The following CCDC38 variants were observed in gnomAD, a reference collection of about 807,000 sequenced individuals.
CCDC38 encodes the protein coiled-coil domain containing 38, also known as coiled-coil domain-containing protein 38.
In CCDC38, 69 loss-of-function variants were observed where a neutral mutation model predicts 72.8. That is an observed-to-expected ratio of 0.95 (90% CI 0.78 to 1.16). The LOEUF is 1.16. Ranked by LOEUF, CCDC38 falls within the 50% of genes most tolerant of loss-of-function variation. The pLI is 0.00. For synonymous variants in CCDC38, 201 were observed against 213.2 expected, an observed-to-expected ratio of 0.94 and a Z score of 0.50; for missense variants, 626 against 638.9, an observed-to-expected ratio of 0.98 and a Z score of 0.22.
In CCDC38 at chr12:95,894,970, T is replaced by G; in HGVS notation, c.772+19A>C. 1 of 1,577,886 alleles carries G rather than the reference T, an allele frequency of 6.3e-7. No individual in the cohort carries two copies. Among genetic ancestry groups the G allele is most frequent in the Non-Finnish European group, 8.6e-7 (1 of 1,159,822 alleles). ...GTTAGGGATATTTAGTTCATGAAAGTTGAGTATAAGTAACTTACTTGCTAA... is the reference window on the plus strand; with the variant it reads ...GTTAGGGATATTTAGTTCATGAAAGGTGAGTATAAGTAACTTACTTGCTAA... On this transcript the variant is annotated intron_variant, in intron 8 of 15. Coordinates refer to ENST00000344280, the MANE Select transcript of CCDC38 (RefSeq NM_182496.3).
intron 6 of CCDC38, 36 bp downstream of exon 6, chr12:95,898,532 A>C (rs2079916169): frequency 1.2e-6 from 2 of 1,614,062 alleles, no homozygotes; most frequent in African/African-American, 2.7e-5. Flanking sequence ...CAAACAAAAG[A>C]GGTGGGAAGG....
At chr12:95,895,409 A>AT (rs67934581) in intron 7 of CCDC38, among the ~76,000 whole-genome samples, 62,528 of 151,870 alleles carry the variant, frequency 0.41, 13,836 homozygotes, top group African/African-American at 0.56. Context: ...CTTGTTTATT[A>AT]TTCTGTAGGA....
intron 7 of CCDC38, 55 bp downstream of exon 7, chr12:95,898,330 T>C (rs2079913076): frequency 2.0e-6 from 3 of 1,526,846 alleles, no homozygotes; most frequent in South Asian, 1.1e-5. Flanking sequence ...CTGGCATGAA[T>C]AGGTTTTAAT....
At chr12:95,891,312 C>T (rs575642374) in intron 8 of CCDC38, among the ~76,000 whole-genome samples, 4 of 152,090 alleles carry the variant, frequency 2.6e-5, no homozygotes, top group Non-Finnish European at 5.9e-5. Context: ...TGAACATTCT[C>T]TATTTGGATC....
chr12:95,905,362 C>A (rs929260225), intron 5 of CCDC38, among the ~76,000 whole-genome samples: 1 of 152,042 alleles, frequency 6.6e-6, no homozygotes, highest in East Asian at 1.9e-4. Flanking sequence ...TATAAATGTC[C>A]TGAAATCCTA....
intron 10 of CCDC38, among the ~76,000 whole-genome samples, chr12:95,883,487 T>C (rs10859970): frequency 0.18 from 27,771 of 152,026 alleles, 2,759 homozygotes; most frequent in African/African-American, 0.26. Flanking sequence ...CAGAAAGCAC[T>C]CCCTCTTCCA....
chr12:95,919,370 T>G, intron 2 of CCDC38: 1 of 379,470 alleles, frequency 2.6e-6, no homozygotes, highest in South Asian at 1.9e-5. Flanking sequence ...GTACGGCTGC[T>G]GGGATTAGGC....
intron 13 of CCDC38, among the ~76,000 whole-genome samples, chr12:95,874,831 A>G (rs546921659): frequency 6.6e-6 from 1 of 152,288 alleles, no homozygotes; most frequent in Admixed American, 6.5e-5. Flanking sequence ...GAGAGGGGAA[A>G]GGTTGCCGGG....
rs558053805 is a variant in CCDC38 at position 95,921,767 on chromosome 12, G to C, written c.38-2791C>G. On this transcript the variant is annotated intron_variant, in intron 2 of 15. Coordinates refer to ENST00000344280, the MANE Select transcript of CCDC38 (RefSeq NM_182496.3). ...AATCAGAGATAGGAAGATAGGAAGA[G>C]GATTCCTGAAGACACATTCCCCAAC... 1.6e-4 allele frequency among the ~76,000 whole-genome samples: 24 copies of C among 151,638 alleles called. No homozygotes were observed. In the South Asian group the frequency reaches 4.8e-3, roughly 30 times the overall value.
chr12:95,896,877 G>T (rs530275456), intron 7 of CCDC38, among the ~76,000 whole-genome samples: 1 of 152,266 alleles, frequency 6.6e-6, no homozygotes, highest in East Asian at 1.9e-4. Context: ...CCATTTGGAG[G>T]GCTCAACTCG....
At chr12:95,925,333 C>T (rs931354725) in intron 2 of CCDC38, among the ~76,000 whole-genome samples, 2 of 151,968 alleles carry the variant, frequency 1.3e-5, no homozygotes, top group East Asian at 1.9e-4. Context: ...CTGATTTGGT[C>T]CTCTGTTTGT....
At chr12:95,930,524 T>C (rs530743113) in intron 2 of CCDC38, among the ~76,000 whole-genome samples, 9 of 152,300 alleles carry the variant, frequency 5.9e-5, no homozygotes, top group African/African-American at 2.2e-4. Context: ...TCTTCCTTTC[T>C]GTTCTCTTAT....
chr12:95,903,435 G>A, intron 5 of CCDC38: 1 of 699,814 alleles, frequency 1.4e-6, no homozygotes, highest in Non-Finnish European at 2.6e-6. Flanking sequence ...ACAAAAAGAA[G>A]TGGTGCAGTG....
In CCDC38 at chr12:95,899,372, A is replaced by G. The variant is rs533264428; in HGVS notation, c.370-641T>C. 2.0e-5 allele frequency among the ~76,000 whole-genome samples: 3 copies of G among 152,282 alleles called. No homozygotes were observed. In the East Asian group the frequency reaches 5.8e-4, roughly 29 times the overall value. On this transcript the variant is annotated intron_variant, in intron 5 of 15. Coordinates refer to ENST00000344280, the MANE Select transcript of CCDC38 (RefSeq NM_182496.3). ...GAGTGCAGTGGGGTGATCTTGGCTCACTGCAGCTTTGACCACCCAGGCTCA... is the reference window on the plus strand; with the variant it reads ...GAGTGCAGTGGGGTGATCTTGGCTCGCTGCAGCTTTGACCACCCAGGCTCA...
chr12:95,896,055 C>CAAAA (rs1169899419), intron 7 of CCDC38, among the ~76,000 whole-genome samples: 18 of 72,958 alleles, frequency 2.5e-4, no homozygotes, highest in Admixed American at 4.7e-4. Flanking sequence ...GACTCTGTCT[C>CAAAA]AAAAAAAAAA....
chr12:95,870,765 C>T (rs966973071), intron 14 of CCDC38, among the ~76,000 whole-genome samples: 2 of 152,148 alleles, frequency 1.3e-5, no homozygotes, highest in African/African-American at 4.8e-5. Flanking sequence ...ATGATATAGT[C>T]TGGACATCAT....
Position 95,893,482 on chromosome 12 carries a change from C to T in CCDC38, c.772+1507G>A, listed in dbSNP as rs78926272. The stretch of plus-strand genomic sequence containing the variant: ...TCCCTCTCTCTCTTTCTCTCTCTCT[C>T]TCTTTCTTTCTCTCTTTTTTGAGAC... On this transcript the variant is annotated intron_variant, in intron 8 of 15. Transcript: ENST00000344280. Among the ~76,000 whole-genome samples the T allele has an allele frequency of 2.0e-4, 26 of 129,572 alleles. No homozygotes were observed. In the East Asian group the frequency reaches 2.3e-3, roughly 12 times the overall value. 85.0% of individuals were successfully genotyped at this position (129,572 alleles called of 152,430 possible).
chr12:95,915,204 A>G (rs751546440), intron 4 of CCDC38, among the ~76,000 whole-genome samples: 1 of 152,170 alleles, frequency 6.6e-6, no homozygotes, highest in Non-Finnish European at 1.5e-5. Context: ...CATTTTGGCT[A>G]TTCTAGCTAT....
At chr12:95,895,465 A>C (rs1324040600) in intron 7 of CCDC38, among the ~76,000 whole-genome samples, 2 of 152,092 alleles carry the variant, frequency 1.3e-5, no homozygotes, top group African/African-American at 4.8e-5. Context: ...AGAAGGTAGC[A>C]AAAGGGCCGG....
Sources: allele counts gnomAD v4.1 joint callset (sites outside exome capture counted in the v4.1 genomes callset), GRCh38; gene constraint gnomAD v4.1.1; transcripts MANE v1.5; gene names NCBI Gene and HGNC (gene_info 2026-07-23, HGNC 2026-07-21).